Variants in PLCB1 observed in about 807,000 individuals in gnomAD.
The protein encoded by PLCB1 is phospholipase C beta 1, also known as 1-phosphatidylinositol 4,5-bisphosphate phosphodiesterase beta-1.
Under a neutral mutation model 161.8 loss-of-function variants are expected in PLCB1, and 46 were observed. The ratio of observed to expected loss-of-function variants is 0.28; its 90% CI spans 0.22 to 0.36. The LOEUF (loss-of-function observed/expected upper bound fraction) is 0.36, where lower values mean the gene tolerates loss of function less well. Among genes scored for constraint, PLCB1 ranks in the 10% least tolerant of loss-of-function variants. PLCB1 has a pLI of 1.00. For missense variants in PLCB1, 1,016 were observed against 1,472.5 expected (o/e 0.69, Z 5.07); for synonymous variants, 517 against 503.7 (o/e 1.03, Z -0.35).
intron 9 of PLCB1, among the ~76,000 whole-genome samples, chr20:8,661,485 T>A (rs145490431): frequency 1.4e-4 from 22 of 152,018 alleles, no homozygotes; most frequent in African/African-American, 4.3e-4. Flanking sequence ...CAGCACCCGT[T>A]CAGAAGTTCT....
intron 2 of PLCB1, among the ~76,000 whole-genome samples, chr20:8,359,050 A>G (rs1986455139): frequency 6.6e-6 from 1 of 152,180 alleles, no homozygotes; most frequent in Non-Finnish European, 1.5e-5. Flanking sequence ...ACTGTTCTGA[A>G]GCAGCAATAG....
chr20:8,272,823 T>C (rs1321589643), intron 2 of PLCB1, among the ~76,000 whole-genome samples: 4 of 152,134 alleles, frequency 2.6e-5, no homozygotes, highest in African/African-American at 9.7e-5. Flanking sequence ...TTAAATGTAA[T>C]TGCTGAAATG....
chr20:8,238,820 A>G (rs375265721), intron 2 of PLCB1, among the ~76,000 whole-genome samples: 4 of 151,764 alleles, frequency 2.6e-5, no homozygotes, highest in Non-Finnish European at 5.9e-5. Context: ...GTATATAGAA[A>G]TGGGTAATCT....
At chr20:8,645,659 G>A (rs1002715006) in intron 4 of PLCB1, among the ~76,000 whole-genome samples, 4 of 152,300 alleles carry the variant, frequency 2.6e-5, no homozygotes, top group South Asian at 4.1e-4. Flanking sequence ...TTCTAGAACT[G>A]TAGTTAACAG....
intron 23 of PLCB1, among the ~76,000 whole-genome samples, chr20:8,753,709 A>G (rs1210520708): frequency 6.6e-6 from 1 of 152,184 alleles, no homozygotes; most frequent in African/African-American, 2.4e-5. Context: ...ATGCAGTCTG[A>G]AGATGTGCTC....
At chr20:8,739,883 G>A (rs1371555525) in intron 21 of PLCB1, among the ~76,000 whole-genome samples, 1 of 152,206 alleles carries the variant, frequency 6.6e-6, no homozygotes, top group Non-Finnish European at 1.5e-5. Context: ...ATCACGTCAA[G>A]GCTGGGCATG....
intron 2 of PLCB1, among the ~76,000 whole-genome samples, chr20:8,339,361 G>C (rs1376290126): frequency 6.6e-6 from 1 of 152,170 alleles, no homozygotes; most frequent in East Asian, 1.9e-4. Context: ...GAGCTGGAAA[G>C]AGGAGGAGAG....
intron 31 of PLCB1, among the ~76,000 whole-genome samples, chr20:8,803,321 G>A (rs1463957289): frequency 1.3e-5 from 2 of 152,008 alleles, no homozygotes; most frequent in Non-Finnish European, 2.9e-5. Flanking sequence ...TGGCCAGGAT[G>A]TAGTACATTC....
rs116269411 is a variant in PLCB1, at chr20:8,192,364, A to C, written c.177+41993A>C. 5.6e-3 allele frequency among the ~76,000 whole-genome samples: 847 copies of C among 152,112 alleles called. 9 individuals are homozygous for C. Among genetic ancestry groups the C allele is most frequent in the African/African-American group, 0.02 (812 of 41,532 alleles). On this transcript the variant is annotated intron_variant, in intron 2 of 31. Transcript: ENST00000338037. The stretch of plus-strand genomic sequence containing the variant: ...AAATCGTATTCACTAGGTGAACTGC[A>C]GACTGCTAAAAGGTGGGACTAAGAT...
At chr20:8,641,858 C>G (rs1330431509) in intron 4 of PLCB1, among the ~76,000 whole-genome samples, 2 of 152,146 alleles carry the variant, frequency 1.3e-5, no homozygotes, top group Non-Finnish European at 2.9e-5. Context: ...TGCATTCAGT[C>G]TCCAAATTCC....
At chr20:8,620,636 G>A (rs2123195655) in intron 3 of PLCB1, among the ~76,000 whole-genome samples, 1 of 151,458 alleles carries the variant, frequency 6.6e-6, no homozygotes, top group Admixed American at 6.6e-5. Context: ...GCTATTTGGG[G>A]GCTGAGGCCT....
In PLCB1 at chr20:8,132,769, C is replaced by G; in HGVS notation, c.99+19C>G. On this transcript the variant is annotated intron_variant, in intron 1 of 31. Coordinates refer to ENST00000338037, the MANE Select transcript of PLCB1 (RefSeq NM_015192.4). This position sits in a 1 kb window ranked among gnomAD's most constrained non-coding sequence, Gnocchi z 5.2. Reference sequence around the variant, plus strand: ...GGATGATGTAAGTATTGGGGCGGCCCGAGTCGGGGCGCTGGCTCGGGCACC... The same window carrying G: ...GGATGATGTAAGTATTGGGGCGGCCGGAGTCGGGGCGCTGGCTCGGGCACC... 6.4e-7 allele frequency: 1 copy of G among 1,568,226 alleles called. No individual in the cohort carries two copies. Among genetic ancestry groups the G allele is most frequent in the Non-Finnish European group, 8.8e-7 (1 of 1,140,872 alleles).
In PLCB1 at chr20:8,624,807, G is replaced by C. The variant is rs530589377; in HGVS notation, c.247-3487G>C. ...TACTTAGTCAGACAGTCTTTATTTG[G>C]TAGCACTTATGGGAACAGAAATGAT... On this transcript the variant is annotated intron_variant, in intron 3 of 31. Coordinates refer to ENST00000338037, the MANE Select transcript of PLCB1 (RefSeq NM_015192.4). 2.6e-5 allele frequency among the ~76,000 whole-genome samples: 4 copies of C among 152,274 alleles called. No individual in the cohort carries two copies. In the East Asian group the frequency reaches 7.7e-4, roughly 29 times the overall value.
At chr20:8,150,714 A>G (rs1252888041) in intron 2 of PLCB1, among the ~76,000 whole-genome samples, 1 of 152,176 alleles carries the variant, frequency 6.6e-6, no homozygotes, top group Non-Finnish European at 1.5e-5. Context: ...ATGAAGAAAA[A>G]TGATGAGAAA....
intron 3 of PLCB1, among the ~76,000 whole-genome samples, chr20:8,560,115 A>G (rs900041788): frequency 1.4e-4 from 21 of 152,018 alleles, no homozygotes; most frequent in African/African-American, 4.8e-4. Flanking sequence ...AGAAAATACA[A>G]ACTACTGAGC....
intron 31 of PLCB1, among the ~76,000 whole-genome samples, chr20:8,846,555 G>A (rs925669398): frequency 2.0e-5 from 3 of 152,044 alleles, no homozygotes; most frequent in African/African-American, 7.2e-5. Flanking sequence ...ACTTTAAAAC[G>A]AGCTCCCAGG....
At chr20:8,765,379 T>G in intron 26 of PLCB1, 21 bp downstream of exon 26, 1 of 1,552,172 alleles carries the variant, frequency 6.4e-7, no homozygotes, top group Non-Finnish European at 8.9e-7. Flanking sequence ...TGAATATTTT[T>G]AGTTGGTTTC....
intron 3 of PLCB1, among the ~76,000 whole-genome samples, chr20:8,483,593 T>C (rs927773776): frequency 6.6e-6 from 1 of 152,160 alleles, no homozygotes; most frequent in Non-Finnish European, 1.5e-5. Context: ...GGGGAGATCT[T>C]CCTAGTTAAA....
intron 23 of PLCB1, among the ~76,000 whole-genome samples, chr20:8,750,278 C>G (rs6086577): frequency 0.22 from 33,734 of 152,086 alleles, 3,771 homozygotes; most frequent in Middle Eastern, 0.36. Context: ...AAGTACTTTA[C>G]TTGGTGTTAA....
Sources: gnomAD v4.1 joint callset for allele counts (sites outside exome capture counted in the v4.1 genomes callset) on GRCh38, gnomAD v4.1.1 for gene constraint, Gnocchi (gnomAD v3.1) non-coding constraint, MANE v1.5 for transcripts, NCBI Gene and HGNC (gene_info 2026-07-23, HGNC 2026-07-21) for gene names.